BMP2K: variants seen among roughly 807,000 people sequenced by gnomAD.
BMP2K encodes BMP2 inducible kinase.
In BMP2K, 74 loss-of-function variants were observed where a neutral mutation model predicts 116.0. That is an observed-to-expected ratio of 0.64 (90% CI 0.53 to 0.77). The LOEUF (loss-of-function observed/expected upper bound fraction) is 0.77, where lower values mean the gene tolerates loss of function less well. BMP2K is among the 30% of genes least tolerant of loss of function. BMP2K has a pLI of 0.00. For missense variants in BMP2K, 1,365 were observed against 1,403.6 expected (o/e 0.97, Z 0.44); for synonymous variants, 486 against 502.5 (o/e 0.97, Z 0.44).
Position 78,859,570 on chromosome 4 carries a change from A to T in BMP2K, c.884-14A>T. 6.4e-7 allele frequency: 1 copy of T among 1,558,876 alleles called. No individual in the cohort carries two copies. The highest frequency in any genetic ancestry group is 1.4e-5 in the African/African-American group (1 of 73,014). The stretch of plus-strand genomic sequence containing the variant: ...TTTCATAAAACTTCTTAACATTTTG[A>T]TCTATTCTTGCAGGGTTCATGCTTG... On this transcript the variant is annotated splice_polypyrimidine_tract_variant and intron_variant, in intron 7 of 15. Transcript: ENST00000502613.
At position 78,910,818 on chromosome 4, in the gene BMP2K, A is replaced by G; in HGVS notation, c.2271A>G (p.Glu757=). ...CTTCTCCTAAGAGCAGTGAAGAGGA[A>G]GAGCAAGATGATGAAGAAGTTCTTC... ...DPPSPKSSEE[E]EQDDEEVLQG... Residue 757 remains glutamate (E), a synonymous_variant, in exon 16 of 16, where the codon GAA becomes GAG. Coordinates refer to ENST00000502613, the MANE Select transcript of BMP2K (RefSeq NM_198892.2). 1 of 1,613,954 alleles carries G rather than the reference A, an allele frequency of 6.2e-7. No individual in the cohort carries two copies. The highest frequency in any genetic ancestry group is 8.5e-7 in the Non-Finnish European group (1 of 1,179,868).
chr4:78,900,619 G>C (rs1179549337), intron 15 of BMP2K, among the ~76,000 whole-genome samples: 1 of 152,088 alleles, frequency 6.6e-6, no homozygotes, highest in Non-Finnish European at 1.5e-5. Flanking sequence ...ACCTTACTTT[G>C]GCCACAAAGA....
intron 1 of BMP2K, among the ~76,000 whole-genome samples, chr4:78,817,993 A>G (rs1035359479): frequency 1.3e-5 from 2 of 152,154 alleles, no homozygotes; most frequent in Non-Finnish European, 2.9e-5. Flanking sequence ...ATACAATTTT[A>G]AGGCTTTTCC....
Position 78,911,411 on chromosome 4 carries a change from G to A in BMP2K, c.2864G>A (p.Gly955Glu), listed in dbSNP as rs532067029. The change falls in exon 16 of 16, where the codon GGG becomes GAG. Residue 955 changes from glycine (G) to glutamate (E), a missense_variant. By Grantham distance (98) the Gly-to-Glu change is moderately conservative. This residue lies in a region of BMP2K where 596 missense variants were observed against 623.2 expected (regional missense o/e 0.96). Transcript: ENST00000502613. ...SKSESNEDLF[G>E]LVPFDEITGS... Reference sequence around the variant, plus strand: ...AGTGAAAGCAATGAGGACCTTTTTGGGCTTGTGCCCTTTGATGAAATAACG... The same window carrying A: ...AGTGAAAGCAATGAGGACCTTTTTGAGCTTGTGCCCTTTGATGAAATAACG... The A allele has an allele frequency of 1.8e-4, 296 of 1,613,894 alleles. 1 individual carries two copies. In the South Asian group the frequency reaches 3.1e-3, roughly 17 times the overall value.
At chr4:78,845,610 G>A (rs1169978114) in intron 5 of BMP2K, among the ~76,000 whole-genome samples, 1 of 151,628 alleles carries the variant, frequency 6.6e-6, no homozygotes, top group African/African-American at 2.4e-5. Context: ...TAAAGTACCT[G>A]TGAGAATCTT....
intron 1 of BMP2K, among the ~76,000 whole-genome samples, chr4:78,823,399 A>G (rs1157674538): frequency 6.6e-6 from 1 of 151,536 alleles, no homozygotes; most frequent in East Asian, 1.9e-4. Flanking sequence ...TCCCTCTTCC[A>G]TCTAATAAAC....
At chr4:78,898,551 AGAAAG>A (rs1332976071) in intron 15 of BMP2K, among the ~76,000 whole-genome samples, 1 of 151,030 alleles carries the variant, frequency 6.6e-6, no homozygotes, top group Admixed American at 6.6e-5. Flanking sequence ...AATACAGTCT[AGAAAG>A]ATTACACTGG....
intron 15 of BMP2K, among the ~76,000 whole-genome samples, chr4:78,902,011 A>G (rs1734032035): frequency 6.6e-6 from 1 of 152,184 alleles, no homozygotes; most frequent in African/African-American, 2.4e-5. Flanking sequence ...GTTGGAACAT[A>G]ACATTTACAG....
At chr4:78,811,636 C>T (rs1007589673) in intron 1 of BMP2K, among the ~76,000 whole-genome samples, 4 of 152,170 alleles carry the variant, frequency 2.6e-5, no homozygotes, top group Admixed American at 2.6e-4. Flanking sequence ...AGGTAATAAG[C>T]TTAATCTTTT....
At position 78,912,121 on chromosome 4, in the gene BMP2K, T is replaced by G. The variant is rs144272741; in HGVS notation, c.*88T>G. The stretch of plus-strand genomic sequence containing the variant: ...TTTGAAAGAAAATTTGGTAGCTCTT[T>G]ATAGCATTCATTCTTAAAGATCAGT... On this transcript the variant is annotated 3_prime_UTR_variant, in exon 16 of 16. Transcript: ENST00000502613. 2,222 of 1,174,910 alleles carry G rather than the reference T, an allele frequency of 1.9e-3. 17 individuals carry two copies. The highest frequency in any genetic ancestry group is 0.012 in the South Asian group (799 of 67,956). 72.8% of individuals were successfully genotyped at this position (1,174,910 alleles called of 1,614,324 possible).
chr4:78,832,406 A>G (rs1730252164), intron 2 of BMP2K, among the ~76,000 whole-genome samples: 1 of 152,112 alleles, frequency 6.6e-6, no homozygotes, highest in Non-Finnish European at 1.5e-5. Context: ...TAACACACAT[A>G]TTACAATCCC....
At chr4:78,800,040 A>G (rs1728492514) in intron 1 of BMP2K, among the ~76,000 whole-genome samples, 1 of 152,134 alleles carries the variant, frequency 6.6e-6, no homozygotes, top group Non-Finnish European at 1.5e-5. Flanking sequence ...AATTATACAA[A>G]CTTTTACTCT....
intron 3 of BMP2K, among the ~76,000 whole-genome samples, chr4:78,836,014 T>C (rs1180788784): frequency 6.6e-6 from 1 of 152,186 alleles, no homozygotes; most frequent in Non-Finnish European, 1.5e-5. Context: ...GTGTCTGTAG[T>C]TGTATTTTCT....
intron 15 of BMP2K, among the ~76,000 whole-genome samples, chr4:78,903,655 G>A (rs1006592359): frequency 1.3e-5 from 2 of 151,796 alleles, no homozygotes; most frequent in Non-Finnish European, 2.9e-5. Context: ...TGTTGATAAA[G>A]CCTTATAGTG....
At chr4:78,850,598 G>C (rs1467450063) in intron 6 of BMP2K, among the ~76,000 whole-genome samples, 4 of 151,732 alleles carry the variant, frequency 2.6e-5, no homozygotes, top group Non-Finnish European at 5.9e-5. Flanking sequence ...TACTTTGTTG[G>C]TTATATGCTA....
chr4:78,829,787 T>TTTTCTCTTTTCTCTTCTCTTCTC (rs1730091260), intron 2 of BMP2K, among the ~76,000 whole-genome samples: 1 of 86,594 alleles, frequency 1.2e-5, no homozygotes, highest in Non-Finnish European at 2.3e-5. Context: ...TTTCTTTTCT[T>TTTTCTCTTTTCTCTTCTCTTCTC]TTCTCTTCTC....
At chr4:78,863,979 A>T (rs866811340) in intron 9 of BMP2K, among the ~76,000 whole-genome samples, 4 of 152,264 alleles carry the variant, frequency 2.6e-5, no homozygotes, top group Middle Eastern at 3.4e-3. Flanking sequence ...TTCCACTAAC[A>T]TATGCCCTGT....
intron 1 of BMP2K, among the ~76,000 whole-genome samples, chr4:78,786,405 A>ATGTGTGTG (rs34288286): frequency 0.017 from 2,344 of 134,326 alleles, 67 homozygotes; most frequent in African/African-American, 0.054. Flanking sequence ...AAGCCACCCA[A>ATGTGTGTG]TGTGTGTGTG....
At chr4:78,887,985 T>C (rs1733193530) in intron 15 of BMP2K, 1 of 152,238 alleles carries the variant, frequency 6.6e-6, no homozygotes, top group South Asian at 2.1e-4. Context: ...TCTGTTCCTT[T>C]TGTTTCTCAC....
Sources: gnomAD v4.1 joint callset for allele counts (sites outside exome capture counted in the v4.1 genomes callset) on GRCh38, gnomAD v4.1.1 for gene constraint, gnomAD v4.1.1 regional missense constraint, MANE v1.5 for transcripts, NCBI Gene and HGNC (gene_info 2026-07-23, HGNC 2026-07-21) for gene names.